ZNF529: variants seen among roughly 807,000 people sequenced by gnomAD.
ZNF529 encodes the protein zinc finger protein 529.
A neutral mutation model predicts 10.1 loss-of-function variants in ZNF529; 11 were observed. The ratio of observed to expected loss-of-function variants is 1.09; its 90% CI spans 0.69 to 1.81. The LOEUF is 1.81. ZNF529 is among the 40% of genes most tolerant of loss of function. The pLI, the probability that ZNF529 is intolerant of heterozygous loss-of-function variation, is 0.00. For synonymous variants in ZNF529, 204 were observed against 215.7 expected, an observed-to-expected ratio of 0.95 and a Z score of 0.47; for missense variants, 624 against 666.8, an observed-to-expected ratio of 0.94 and a Z score of 0.71.
chr19:36,550,503 G>A (rs1007895157), intron 4 of ZNF529, among the ~76,000 whole-genome samples: 4 of 152,084 alleles, frequency 2.6e-5, no homozygotes, highest in Non-Finnish European at 4.4e-5. Flanking sequence ...CTGAGACTGC[G>A]CCACCACACT....
chr19:36,568,968 A>G (rs766494728), intron 2 of ZNF529, among the ~76,000 whole-genome samples: 2 of 152,224 alleles, frequency 1.3e-5, no homozygotes, highest in Non-Finnish European at 2.9e-5. Flanking sequence ...GGATACTTGG[A>G]GCAAACGATT....
At chr19:36,556,777 G>C (rs1227632975) in intron 2 of ZNF529, among the ~76,000 whole-genome samples, 1 of 152,188 alleles carries the variant, frequency 6.6e-6, no homozygotes, top group Non-Finnish European at 1.5e-5. Context: ...TCCAGCACTA[G>C]AATGGTGGCT....
intron 2 of ZNF529, among the ~76,000 whole-genome samples, chr19:36,564,022 T>TC (rs2145828449): frequency 6.6e-6 from 1 of 152,224 alleles, no homozygotes; most frequent in Admixed American, 6.5e-5. Context: ...AGGAAAGGAC[T>TC]CCCTATTCAA....
rs2034926876 is a variant in ZNF529, at chr19:36,543,974, C to G, written c.*2892G>C. On this transcript the variant is annotated 3_prime_UTR_variant, in exon 5 of 5. Transcript: ENST00000591340. Reference sequence around the variant, plus strand: ...GTCCCTAACATACATATATTAGTTGCCATTAAATTGAATTCCTTCAAGGAC... The same window carrying G: ...GTCCCTAACATACATATATTAGTTGGCATTAAATTGAATTCCTTCAAGGAC... 1 of 109,992 alleles carries G rather than the reference C, an allele frequency of 9.1e-6. No individual in the cohort carries two copies. Among genetic ancestry groups the G allele is most frequent in the South Asian group, 2.9e-4 (1 of 3,390 alleles). The allele number at this position is 109,992 out of a possible 1,614,324, so 6.8% of individuals were successfully genotyped here. A position where few individuals can be genotyped will look rare whatever the true frequency, so the allele number is the denominator to read the frequency against.
Position 36,590,145 on chromosome 19 carries a change from G to T in ZNF529, c.-127-444C>A, listed in dbSNP as rs111844198. ...GCACTTTCGGAGGCCAAGGCGGGTG[G>T]ATCGCTTGAGCTCAGGAGTTTCAGA... On this transcript the variant is annotated intron_variant, in intron 1 of 4. Coordinates refer to the ZNF529 transcript ENST00000585960. 6.0e-4 allele frequency among the ~76,000 whole-genome samples: 92 copies of T among 152,302 alleles called. 2 individuals are homozygous for T. The highest frequency in any genetic ancestry group is 1.0e-3 in the Non-Finnish European group (68 of 68,036).
chr19:36,563,051 A>G (rs1461182282), intron 2 of ZNF529, among the ~76,000 whole-genome samples: 1 of 152,162 alleles, frequency 6.6e-6, no homozygotes, highest in Non-Finnish European at 1.5e-5. Context: ...TGGACTTCAT[A>G]AACTACAGAA....
At position 36,556,185 on chromosome 19, in the gene ZNF529, A is replaced by T; in HGVS notation, c.27T>A (p.Asp9Glu). The change falls in exon 3 of 5, where the codon GAT (aspartate) becomes GAA (glutamate). Residue 9 changes from aspartate to glutamate, a missense_variant. Transcript: ENST00000591340. ...CAGCATGAGGAGCTCCATGGACATGATCCCCAATGAAACTGTAAAAATTAT... is the reference window on the plus strand; with the variant it reads ...CAGCATGAGGAGCTCCATGGACATGTTCCCCAATGAAACTGTAAAAATTAT... The part of the protein sequence containing the change: MANSSFIG[D>E]HVHGAPHAVM... The T allele has an allele frequency of 2.5e-6, 3 of 1,182,046 alleles. No homozygotes were observed. Among genetic ancestry groups the T allele is most frequent in the East Asian group, 5.1e-5 (2 of 39,252 alleles). 73.2% of individuals were successfully genotyped at this position (1,182,046 alleles called of 1,614,324 possible).
rs941554467 is a variant in ZNF529, at chr19:36,579,616, A to G, written c.-41+9999T>C. Among the ~76,000 whole-genome samples, 7 of 152,246 alleles carry G rather than the reference A, an allele frequency of 4.6e-5. No individual in the cohort carries two copies. In the South Asian group the frequency reaches 1.4e-3, roughly 31 times the overall value. On this transcript the variant is annotated intron_variant, in intron 2 of 4. Coordinates refer to the ZNF529 transcript ENST00000585960. ...ATTGAATGCTGTAGGCATTTATAAC[A>G]CAGTGGTGTTTGTGTATCTAAACAT...
At chr19:36,601,641 T>A in intron 1 of ZNF529, among the ~76,000 whole-genome samples, 1 of 152,146 alleles carries the variant, frequency 6.6e-6, no homozygotes, top group East Asian at 1.9e-4. Context: ...ACCGTTTTGT[T>A]ACTCTGTTAA....
intron 2 of ZNF529, among the ~76,000 whole-genome samples, chr19:36,572,063 C>T (rs929058593): frequency 6.8e-5 from 10 of 147,604 alleles, no homozygotes; most frequent in Admixed American, 5.5e-4. Context: ...TACTTAATCA[C>T]TCGTCTCCTC....
Position 36,547,490 on chromosome 19 carries a change from A to C in ZNF529, c.1068T>G (p.His356Gln), listed in dbSNP as rs2035080737. The change falls in exon 5 of 5, where the codon CAT (histidine) becomes CAG (glutamine). Residue 356 changes from histidine (H) to glutamine (Q), a missense_variant. His to Gln is a conservative substitution (Grantham distance 24, BLOSUM62 0). Transcript: ENST00000591340. Reference protein sequence around the residue: ...VFRISSQLIEHQRIHTGEKPY... With the variant: ...VFRISSQLIEQQRIHTGEKPY... ...GTTTCTCACCAGTGTGAATTCTCTG[A>C]TGTTCAATGAGCTGTGAACTAATTC... 1.2e-6 allele frequency: 2 copies of C among 1,613,316 alleles called. No individual in the cohort carries two copies. Among genetic ancestry groups the C allele is most frequent in the Non-Finnish European group, 1.7e-6 (2 of 1,179,434 alleles).
intron 2 of ZNF529, among the ~76,000 whole-genome samples, chr19:36,587,179 C>T (rs2036598445): frequency 2.0e-5 from 3 of 151,736 alleles, no homozygotes; most frequent in South Asian, 2.1e-4. Flanking sequence ...GCAGGAGAAT[C>T]GCTTGAACCC....
At chr19:36,557,526 C>T (rs1445092039) in intron 2 of ZNF529, among the ~76,000 whole-genome samples, 1 of 152,262 alleles carries the variant, frequency 6.6e-6, no homozygotes, top group African/African-American at 2.4e-5. Flanking sequence ...TGAGAACTCA[C>T]CCACTATTAC....
At chr19:36,579,649 G>A (rs1447186328) in intron 2 of ZNF529, among the ~76,000 whole-genome samples, 3 of 152,178 alleles carry the variant, frequency 2.0e-5, no homozygotes, top group East Asian at 1.9e-4. Flanking sequence ...CATAGCAAAG[G>A]TACAGTAAAA....
In ZNF529 at chr19:36,548,125, T is replaced by G. The variant is rs775313937; in HGVS notation, c.433A>C (p.Ile145Leu). Residue 145 changes from isoleucine (I) to leucine (L), a missense_variant, in exon 5 of 5, where the codon ATC becomes CTC. Transcript: ENST00000591340. Reference sequence around the variant, plus strand: ...TTGTAACTGGGCACATTTTCAGAGATGATTTTCATTTGACTGAAATATCCC... The same window carrying G: ...TTGTAACTGGGCACATTTTCAGAGAGGATTTTCATTTGACTGAAATATCCC... ...EVGYFSQMKI[I>L]SENVPSYKTH... 1 of 1,613,944 alleles carries G rather than the reference T, an allele frequency of 6.2e-7. No individual in the cohort carries two copies. Among genetic ancestry groups the G allele is most frequent in the South Asian group, 1.1e-5 (1 of 91,084 alleles).
chr19:36,598,351 G>C (rs1210743940), intron 1 of ZNF529, among the ~76,000 whole-genome samples: 1 of 151,898 alleles, frequency 6.6e-6, no homozygotes, highest in Middle Eastern at 3.2e-3. Flanking sequence ...GTCTACAATA[G>C]TAAAAAATAT....
intron 1 of ZNF529, among the ~76,000 whole-genome samples, chr19:36,598,065 G>C (rs944875104): frequency 1.3e-5 from 2 of 152,162 alleles, no homozygotes; most frequent in African/African-American, 4.8e-5. Flanking sequence ...TTGGAAGCGG[G>C]TATAAAGTTG....
At chr19:36,577,959 C>T (rs1160211034), upstream of ZNF529, 1 of 152,034 alleles carries the variant, frequency 6.6e-6, no homozygotes, top group African/African-American at 2.4e-5. Context: ...TTCTCTTGTC[C>T]ATTCCTCCCT....
At position 36,547,634 on chromosome 19, in the gene ZNF529, T is replaced by C. The variant is rs552807115; in HGVS notation, c.924A>G (p.Lys308=). 3.7e-6 allele frequency: 6 copies of C among 1,613,742 alleles called. No homozygotes were observed. The East Asian group carries it at 8.9e-5, about 24-fold the overall frequency. The part of the protein sequence containing the change: ...TRHQKIHTDE[K]TYKCMECGKD... ...TGCCACATTCCATACATTTGTAAGT[T>C]TTCTCATCAGTATGGATTTTCTGAT... The change falls in exon 5 of 5, where the codon AAA becomes AAG. Residue 308 remains lysine, a synonymous_variant. Coordinates refer to ENST00000591340, the MANE Select transcript of ZNF529 (RefSeq NM_020951.5).
Sources: gnomAD v4.1 joint callset for allele counts (sites outside exome capture counted in the v4.1 genomes callset) on GRCh38, gnomAD v4.1.1 for gene constraint, MANE v1.5 for transcripts, NCBI Gene and HGNC (gene_info 2026-07-23, HGNC 2026-07-21) for gene names.